The following ARHGAP10 variants were observed in gnomAD, a reference collection of about 807,000 sequenced individuals.
The protein encoded by ARHGAP10 is rho GTPase-activating protein 10.
ARHGAP10 carries 87 observed loss-of-function variants against 108.6 expected under a neutral mutation model. That is an observed-to-expected ratio of 0.80 (90% confidence interval 0.67 to 0.96). The LOEUF (loss-of-function observed/expected upper bound fraction) is 0.96, where lower values mean the gene tolerates loss of function less well. Among genes scored for constraint, ARHGAP10 ranks in the 40% least tolerant of loss-of-function variants. The pLI is 0.00. For missense variants in ARHGAP10, 939 were observed against 954.5 expected (o/e 0.98, Z 0.21); for synonymous variants, 347 against 341.1 (o/e 1.02, Z -0.19).
intron 10 of ARHGAP10, among the ~76,000 whole-genome samples, chr4:147,902,280 A>G (rs1303405142): frequency 6.6e-6 from 1 of 152,180 alleles, no homozygotes; most frequent in Non-Finnish European, 1.5e-5. Flanking sequence ...CCACCCAGCA[A>G]CCAGACTGTT....
intron 13 of ARHGAP10, among the ~76,000 whole-genome samples, chr4:147,933,877 C>T (rs1737805645): frequency 6.6e-6 from 1 of 152,080 alleles, no homozygotes; most frequent in South Asian, 2.1e-4. Flanking sequence ...CATAGTAGGT[C>T]TCAACATGAG....
At chr4:147,789,667 C>T (rs977244268) in intron 1 of ARHGAP10, among the ~76,000 whole-genome samples, 7 of 152,226 alleles carry the variant, frequency 4.6e-5, no homozygotes, top group African/African-American at 1.7e-4. Context: ...GGCCAAATCT[C>T]ACATTTTAGA....
At chr4:147,874,351 G>A (rs569138106) in intron 7 of ARHGAP10, among the ~76,000 whole-genome samples, 2 of 152,258 alleles carry the variant, frequency 1.3e-5, no homozygotes, top group South Asian at 4.1e-4. Context: ...TTGTATATAT[G>A]TTTTCGGTGT....
At chr4:148,017,008 A>G (rs568844489) in intron 18 of ARHGAP10, among the ~76,000 whole-genome samples, 1 of 149,070 alleles carries the variant, frequency 6.7e-6, no homozygotes, top group African/African-American at 2.5e-5. Context: ...AAAAAAAACC[A>G]GCTGGGCGTG....
intron 1 of ARHGAP10, among the ~76,000 whole-genome samples, chr4:147,761,558 T>A (rs746894724): frequency 6.6e-6 from 1 of 152,230 alleles, no homozygotes; most frequent in Non-Finnish European, 1.5e-5. Context: ...ATTTATCTCT[T>A]TCTCTTTTCC....
At chr4:147,785,474 G>T (rs1439923429) in intron 1 of ARHGAP10, among the ~76,000 whole-genome samples, 1 of 152,136 alleles carries the variant, frequency 6.6e-6, no homozygotes, top group East Asian at 1.9e-4. Flanking sequence ...CACAAATATT[G>T]CAAAGATAAT....
At chr4:147,808,577 G>A (rs929554209) in intron 1 of ARHGAP10, among the ~76,000 whole-genome samples, 3 of 151,924 alleles carry the variant, frequency 2.0e-5, no homozygotes, top group Non-Finnish European at 4.4e-5. Context: ...GGAAAGAGTG[G>A]GAGCAGAGTA....
At chr4:148,014,035 GAGAAA>G (rs1741260127) in intron 18 of ARHGAP10, among the ~76,000 whole-genome samples, 1 of 152,100 alleles carries the variant, frequency 6.6e-6, no homozygotes, top group South Asian at 2.1e-4. Flanking sequence ...GAAAAGAGAG[GAGAAA>G]AGGAACCTCA....
At chr4:148,033,021 TCAATC>T (rs1468445150) in intron 19 of ARHGAP10, among the ~76,000 whole-genome samples, 1 of 152,178 alleles carries the variant, frequency 6.6e-6, no homozygotes, top group Non-Finnish European at 1.5e-5. Flanking sequence ...TTTGCATCCT[TCAATC>T]CAATCATGTT....
chr4:147,775,111 C>CA (rs1171009764), intron 1 of ARHGAP10, among the ~76,000 whole-genome samples: 3 of 152,078 alleles, frequency 2.0e-5, no homozygotes, highest in Admixed American at 6.6e-5. Flanking sequence ...GACGGGGTTT[C>CA]ACCATGTTGG....
chr4:147,869,737 C>T (rs991711985), intron 7 of ARHGAP10, among the ~76,000 whole-genome samples: 4 of 151,698 alleles, frequency 2.6e-5, no homozygotes, highest in Admixed American at 1.3e-4. Context: ...TTTCTCTCTG[C>T]GTCACCTTCA....
At chr4:147,871,401 C>A (rs527577069) in intron 7 of ARHGAP10, among the ~76,000 whole-genome samples, 3 of 152,124 alleles carry the variant, frequency 2.0e-5, no homozygotes, top group Non-Finnish European at 4.4e-5. Flanking sequence ...GTCCGTCTCT[C>A]TATTTTACAA....
At chr4:147,865,873 G>C (rs1734535274) in intron 6 of ARHGAP10, 2 of 152,056 alleles carry the variant, frequency 1.3e-5, no homozygotes. Flanking sequence ...TGCTTTTATT[G>C]GGCATTTATA....
At chr4:147,894,137 C>G (rs567214236) in intron 10 of ARHGAP10, among the ~76,000 whole-genome samples, 1 of 15,398 alleles carries the variant, frequency 6.5e-5, no homozygotes, top group Non-Finnish European at 2.3e-3. Context: ...TGCATAAATA[C>G]TTTGGGTGTG....
In ARHGAP10 at chr4:148,047,348, T is replaced by A. The variant is rs118036121; in HGVS notation, c.2027+297T>A. On this transcript the variant is annotated intron_variant, in intron 20 of 22. Coordinates refer to ENST00000336498, the MANE Select transcript of ARHGAP10 (RefSeq NM_024605.4). ...AAATTTGTTACTGTCCCACCCAAGA[T>A]GTTTCCCCACTAGTTATGCAAACTT... Among the ~76,000 whole-genome samples the A allele has an allele frequency of 1.9e-4, 29 of 152,368 alleles. 1 individual carries two copies. In the East Asian group the frequency reaches 5.4e-3, roughly 28 times the overall value.
chr4:147,959,719 A>C (rs1003880448), intron 16 of ARHGAP10, among the ~76,000 whole-genome samples: 19 of 152,194 alleles, frequency 1.2e-4, no homozygotes, highest in Non-Finnish European at 1.6e-4. Context: ...ATGGTTGCAT[A>C]GTATTTCATG....
intron 1 of ARHGAP10, among the ~76,000 whole-genome samples, chr4:147,807,047 T>TG (rs1258601206): frequency 2.6e-5 from 4 of 152,180 alleles, no homozygotes; most frequent in African/African-American, 9.7e-5. Context: ...CCATTTAGTG[T>TG]GGGGGCAGGT....
chr4:147,886,414 C>A (rs972317471), intron 10 of ARHGAP10, among the ~76,000 whole-genome samples: 2 of 152,184 alleles, frequency 1.3e-5, no homozygotes, highest in African/African-American at 4.8e-5. Context: ...GAACTGCAGT[C>A]CTCCGCAATC....
At chr4:147,733,592 AT>A (rs930604998) in intron 1 of ARHGAP10, among the ~76,000 whole-genome samples, 2 of 152,044 alleles carry the variant, frequency 1.3e-5, no homozygotes, top group African/African-American at 4.8e-5. Flanking sequence ...TCTGGGGAAA[AT>A]CCCCCATCTC....
Sources: allele counts gnomAD v4.1 joint callset (sites outside exome capture counted in the v4.1 genomes callset), GRCh38; gene constraint gnomAD v4.1.1; transcripts MANE v1.5; gene names NCBI Gene and HGNC (gene_info 2026-07-23, HGNC 2026-07-21).